The following CSMD1 variants were observed in gnomAD, a reference collection of about 807,000 sequenced individuals.
The protein encoded by CSMD1 is CUB and Sushi multiple domains 1.
CSMD1 carries 213 observed loss-of-function variants against 417.5 expected under a neutral mutation model. The observed-to-expected ratio is 0.51, with a 90% CI of 0.46 to 0.57. The LOEUF (loss-of-function observed/expected upper bound fraction) is 0.57. Ranked by LOEUF, CSMD1 falls within the 20% of genes least tolerant of loss-of-function variation. CSMD1 has a pLI of 0.00. For missense variants in CSMD1, 6,923 were observed against 4,529.7 expected (o/e 1.53, Z -15.17); for synonymous variants, 2,862 against 1,736.8 (o/e 1.65, Z -16.11).
chr8:3,536,914 C>T (rs1474596540), intron 10 of CSMD1, among the ~76,000 whole-genome samples: 4 of 152,190 alleles, frequency 2.6e-5, no homozygotes, highest in Admixed American at 2.0e-4. Context: ...ATTTATTGTA[C>T]GATTGCCCTA....
intron 2 of CSMD1, among the ~76,000 whole-genome samples, chr8:4,621,468 T>A (rs549163289): frequency 6.6e-6 from 1 of 152,076 alleles, no homozygotes; most frequent in African/African-American, 2.4e-5. Context: ...CAAGTGGATA[T>A]CTTGAAAAAC....
At chr8:3,805,888 A>G (rs886146006) in intron 5 of CSMD1, among the ~76,000 whole-genome samples, 9 of 152,070 alleles carry the variant, frequency 5.9e-5, no homozygotes, top group African/African-American at 2.2e-4. Flanking sequence ...TCTGGGGCAA[A>G]CCAAACACTT....
At chr8:3,466,891 T>G (rs1585206973) in intron 12 of CSMD1, among the ~76,000 whole-genome samples, 1 of 152,322 alleles carries the variant, frequency 6.6e-6, no homozygotes, top group African/African-American at 2.4e-5. Flanking sequence ...TGTCTTCTAC[T>G]GTTATAATCT....
intron 49 of CSMD1, among the ~76,000 whole-genome samples, chr8:3,073,494 G>A (rs1285214520): frequency 2.0e-5 from 3 of 152,174 alleles, no homozygotes; most frequent in Non-Finnish European, 4.4e-5. Context: ...ATACTTACAT[G>A]TATAAATGAA....
intron 37 of CSMD1, among the ~76,000 whole-genome samples, chr8:3,164,853 C>A (rs1820112728): frequency 6.6e-6 from 1 of 152,012 alleles, no homozygotes. Flanking sequence ...ATGTTTTACC[C>A]ATAAGATATG....
chr8:4,070,996 G>A (rs966283156), intron 3 of CSMD1, among the ~76,000 whole-genome samples: 3 of 152,216 alleles, frequency 2.0e-5, no homozygotes, highest in South Asian at 4.1e-4. Flanking sequence ...TATGTAATGC[G>A]TCCATTTTCT....
intron 3 of CSMD1, among the ~76,000 whole-genome samples, chr8:4,384,319 C>G (rs2128920367): frequency 6.6e-6 from 1 of 152,240 alleles, no homozygotes; most frequent in South Asian, 2.1e-4. Context: ...GTTCCGAAAT[C>G]TACCTCATGG....
At chr8:4,839,542 A>C (rs544947151) in intron 1 of CSMD1, among the ~76,000 whole-genome samples, 123 of 152,284 alleles carry the variant, frequency 8.1e-4, no homozygotes, top group Non-Finnish European at 1.4e-3. Flanking sequence ...CTTTTTCCAC[A>C]AGAATGGACC....
At chr8:4,738,428 G>C (rs1490615026) in intron 1 of CSMD1, among the ~76,000 whole-genome samples, 1 of 152,070 alleles carries the variant, frequency 6.6e-6, no homozygotes, top group Non-Finnish European at 1.5e-5. Context: ...GAGCGAAGGG[G>C]GAAAAGCCCC....
At chr8:4,049,848 C>T (rs565311661) in intron 3 of CSMD1, among the ~76,000 whole-genome samples, 1 of 152,084 alleles carries the variant, frequency 6.6e-6, no homozygotes, top group Non-Finnish European at 1.5e-5. Flanking sequence ...TTGGCATATT[C>T]TTCTTCACTA....
intron 3 of CSMD1, among the ~76,000 whole-genome samples, chr8:4,367,812 T>G (rs1211353115): frequency 2.0e-5 from 3 of 152,168 alleles, no homozygotes; most frequent in Non-Finnish European, 1.5e-5. Flanking sequence ...ATTTTATTCT[T>G]TGTGCTATTT....
At position 4,958,138 on chromosome 8, in the gene CSMD1, C is replaced by T. The variant is rs201498516; in HGVS notation, c.85+36194G>A. Among the ~76,000 whole-genome samples, 844 of 152,184 alleles carry T rather than the reference C, an allele frequency of 5.5e-3. 3 individuals are homozygous for T. Among genetic ancestry groups the T allele is most frequent in the Non-Finnish European group, 8.4e-3 (570 of 68,014 alleles). On this transcript the variant is annotated intron_variant, in intron 1 of 69. Transcript: ENST00000635120. ...TATGAGGTCTTTCCTGTCCTTAGAA[C>T]ATATGTTTCCCTCAAACAAAATGTT... is the stretch of plus-strand genomic sequence containing the variant.
intron 40 of CSMD1, among the ~76,000 whole-genome samples, chr8:3,143,900 G>A (rs1818671259): frequency 6.6e-6 from 1 of 152,114 alleles, no homozygotes; most frequent in Admixed American, 6.6e-5. Flanking sequence ...AGTTGTCAGA[G>A]GGCAGTACTT....
chr8:4,825,538 C>T (rs1799775092), intron 1 of CSMD1, among the ~76,000 whole-genome samples: 1 of 151,954 alleles, frequency 6.6e-6, no homozygotes, highest in African/African-American at 2.4e-5. Flanking sequence ...CAATTCTACT[C>T]TCTGCTTATA....
chr8:4,145,456 T>C (rs770628085), intron 3 of CSMD1, among the ~76,000 whole-genome samples: 4 of 151,222 alleles, frequency 2.6e-5, no homozygotes, highest in Non-Finnish European at 5.9e-5. Context: ...TATATATTTT[T>C]TGTATTGAAA....
chr8:4,037,307 G>C (rs1001998719), intron 3 of CSMD1, among the ~76,000 whole-genome samples: 3 of 152,188 alleles, frequency 2.0e-5, no homozygotes, highest in East Asian at 1.9e-4. Flanking sequence ...ACATTGTTTT[G>C]CTTAGAGCCA....
intron 26 of CSMD1, among the ~76,000 whole-genome samples, chr8:3,245,908 C>T (rs949249713): frequency 2.0e-5 from 3 of 152,132 alleles, no homozygotes; most frequent in Admixed American, 6.6e-5. Context: ...TGACATGAAT[C>T]GCATTCTACT....
At chr8:3,683,785 C>T (rs1417942890) in intron 7 of CSMD1, among the ~76,000 whole-genome samples, 3 of 152,148 alleles carry the variant, frequency 2.0e-5, no homozygotes, top group African/African-American at 7.2e-5. Flanking sequence ...AGTTAAACCA[C>T]ATCTGCTTTG....
chr8:4,270,632 C>T (rs1294293066), intron 3 of CSMD1, among the ~76,000 whole-genome samples: 2 of 152,200 alleles, frequency 1.3e-5, no homozygotes, highest in Non-Finnish European at 2.9e-5. Context: ...AGAATTAAAC[C>T]TGCCCCTCAA....
Sources: allele counts gnomAD v4.1 joint callset (sites outside exome capture counted in the v4.1 genomes callset), GRCh38; gene constraint gnomAD v4.1.1; transcripts MANE v1.5; gene names NCBI Gene and HGNC (gene_info 2026-07-23, HGNC 2026-07-21).